NAV3: variants seen among roughly 807,000 people sequenced by gnomAD.
The protein encoded by NAV3 is neuron navigator 3, also known as pore membrane and/or filament interacting like protein 1.
NAV3 carries 87 observed loss-of-function variants against 244.7 expected under a neutral mutation model. The observed-to-expected ratio is 0.36, with a 90% CI of 0.30 to 0.42. The LOEUF is 0.42. Ranked by LOEUF, NAV3 falls within the 20% of genes least tolerant of loss-of-function variation. The probability of loss-of-function intolerance (pLI) is 1.00; values close to 1 mark genes in which losing one functional copy is unlikely to be tolerated. For synonymous variants in NAV3, 1,126 were observed against 1,042.2 expected, an observed-to-expected ratio of 1.08 and a Z score of -1.55; for missense variants, 2,663 against 2,893.3, an observed-to-expected ratio of 0.92 and a Z score of 1.83.
chr12:78,087,841 A>G (rs1593526837), intron 12 of NAV3, among the ~76,000 whole-genome samples: 1 of 151,950 alleles, frequency 6.6e-6, no homozygotes, highest in Non-Finnish European at 1.5e-5. Context: ...AAATTATAAT[A>G]ATAGCAAATT....
chr12:78,122,162 C>G lies in NAV3; in HGVS notation c.3972C>G (p.Ser1324Arg). The G allele has an allele frequency of 6.2e-7, 1 of 1,614,154 alleles. No homozygotes were observed. The highest frequency in any genetic ancestry group is 8.5e-7 in the Non-Finnish European group (1 of 1,180,030). The change falls in exon 16 of 40, where the codon AGC becomes AGG. Residue 1324 changes from serine to arginine, a missense_variant. Physicochemically the swap from Ser to Arg is moderately radical, Grantham distance 110. This residue lies in a region of NAV3 where 354 missense variants were observed against 413.0 expected (regional missense o/e 0.86). Transcript: ENST00000397909. ...KPSDLTTDVI[S>R]LSHSLASSPA... ...CAGACTTAACTACAGATGTTATAAG[C>G]TTAAGTCACTCGTTGGCCTCCAGCC...
chr12:78,043,579 C>A (rs377560396), intron 9 of NAV3, among the ~76,000 whole-genome samples: 1 of 152,138 alleles, frequency 6.6e-6, no homozygotes, highest in East Asian at 1.9e-4. Context: ...TTCTCCACAA[C>A]CTCTCTAGCA....
At chr12:77,920,215 G>A (rs1036039052) in intron 1 of NAV3, among the ~76,000 whole-genome samples, 2 of 151,872 alleles carry the variant, frequency 1.3e-5, no homozygotes, top group African/African-American at 4.8e-5. Flanking sequence ...GTTGTTTTAG[G>A]AGTCACATTA....
intron 1 of NAV3, among the ~76,000 whole-genome samples, chr12:77,939,449 G>A (rs1237225526): frequency 6.6e-6 from 1 of 151,842 alleles, no homozygotes; most frequent in Non-Finnish European, 1.5e-5. Flanking sequence ...TTGTTTTTCT[G>A]TTACACCACA....
chr12:78,160,341 G>C (rs906838347), intron 23 of NAV3, among the ~76,000 whole-genome samples: 1 of 150,738 alleles, frequency 6.6e-6, no homozygotes, highest in Non-Finnish European at 1.5e-5. Context: ...TCCTTGGATA[G>C]GTATCAGAGA....
At position 77,720,644 on chromosome 12, in the gene NAV3, A is replaced by G. The variant is rs186534650; in HGVS notation, c.72+148378A>G. 1.2e-4 allele frequency among the ~76,000 whole-genome samples: 18 copies of G among 152,252 alleles called. No homozygotes were observed. In the East Asian group the frequency reaches 1.4e-3, roughly 11 times the overall value. Reference sequence around the variant, plus strand: ...ACCAGAATGTTAGATGCAAACTCCAATTCTTTCCCTCTCTAGGAAGAAGCT... The same window carrying G: ...ACCAGAATGTTAGATGCAAACTCCAGTTCTTTCCCTCTCTAGGAAGAAGCT... On this transcript the variant is annotated intron_variant, in intron 2 of 8. Transcript: ENST00000550042.
At chr12:77,859,467 C>G (rs1034634732) in intron 1 of NAV3, among the ~76,000 whole-genome samples, 3 of 151,900 alleles carry the variant, frequency 2.0e-5, no homozygotes, top group Non-Finnish European at 4.4e-5. Flanking sequence ...ATTTTTTAGG[C>G]TTAAGGAAAT....
intron 2 of NAV3, among the ~76,000 whole-genome samples, chr12:77,584,085 C>A (rs1869491555): frequency 6.6e-6 from 1 of 152,196 alleles, no homozygotes; most frequent in Non-Finnish European, 1.5e-5. Flanking sequence ...ACCACTCCAT[C>A]ATTATGTTCT....
intron 2 of NAV3, among the ~76,000 whole-genome samples, chr12:77,594,576 G>T (rs951088627): frequency 1.3e-5 from 2 of 152,114 alleles, no homozygotes; most frequent in African/African-American, 4.8e-5. Context: ...GCCAGATTAG[G>T]GTTCTCTGGG....
intron 2 of NAV3, among the ~76,000 whole-genome samples, chr12:77,651,703 T>C (rs1378286857): frequency 2.0e-5 from 3 of 152,174 alleles, no homozygotes; most frequent in Admixed American, 6.6e-5. Context: ...TCTACGTCAG[T>C]TGTATACAAC....
chr12:77,797,744 GGGA>G (rs1418742034), intron 2 of NAV3, among the ~76,000 whole-genome samples: 1 of 151,674 alleles, frequency 6.6e-6, no homozygotes, highest in Non-Finnish European at 1.5e-5. Flanking sequence ...AAGAGACTGA[GGGA>G]GGAGAATTGC....
At chr12:78,116,600 C>T (rs914887817) in intron 12 of NAV3, among the ~76,000 whole-genome samples, 172 bp from the exon 13 acceptor site, 3 of 152,026 alleles carry the variant, frequency 2.0e-5, no homozygotes, top group Admixed American at 2.0e-4. Flanking sequence ...CTTATGTAGA[C>T]CCTCAGTTCA....
At chr12:77,774,726 G>A (rs987888361) in intron 2 of NAV3, among the ~76,000 whole-genome samples, 7 of 152,058 alleles carry the variant, frequency 4.6e-5, no homozygotes, top group South Asian at 2.1e-4. Flanking sequence ...TTGCCACCCC[G>A]CATTTAAATA....
intron 35 of NAV3, among the ~76,000 whole-genome samples, chr12:78,197,736 C>A (rs1959198855): frequency 6.6e-6 from 1 of 151,854 alleles, no homozygotes; most frequent in Non-Finnish European, 1.5e-5. Context: ...TCTATGTATT[C>A]ATTCAACAAC....
In NAV3 at chr12:78,170,740, G is replaced by A. The variant is rs369672483; in HGVS notation, c.4981+1874G>A. Reference sequence around the variant, plus strand: ...TTTCAATTATTCATAAGTTCTTTATGAATTGTGTTCATTCCATTTGGAATA... The same window carrying A: ...TTTCAATTATTCATAAGTTCTTTATAAATTGTGTTCATTCCATTTGGAATA... On this transcript the variant is annotated intron_variant, in intron 24 of 39. Transcript: ENST00000397909. Among the ~76,000 whole-genome samples, 24 of 151,750 alleles carry A rather than the reference G, an allele frequency of 1.6e-4. No homozygotes were observed. In the South Asian group the frequency reaches 4.6e-3, roughly 29 times the overall value.
At chr12:78,167,516 C>CT (rs35389511) in intron 23 of NAV3, among the ~76,000 whole-genome samples, 4,603 of 144,572 alleles carry the variant, frequency 0.032, 84 homozygotes, top group African/African-American at 0.057. Flanking sequence ...TTAGCATCAT[C>CT]TTTTTTTTTT....
At position 77,885,728 on chromosome 12, in the gene NAV3, C is replaced by G. The variant is rs571549331; in HGVS notation, c.243+54024C>G. 2.0e-5 allele frequency among the ~76,000 whole-genome samples: 3 copies of G among 152,096 alleles called. No individual in the cohort carries two copies. In the East Asian group the frequency reaches 5.8e-4, roughly 29 times the overall value. Reference sequence around the variant, plus strand: ...ATGCACTTCAATACATTAGAGTGTCCACATTCTTAAAAGAACATTGCTTGA... The same window carrying G: ...ATGCACTTCAATACATTAGAGTGTCGACATTCTTAAAAGAACATTGCTTGA... On this transcript the variant is annotated intron_variant, in intron 1 of 39. Transcript: ENST00000397909.
At chr12:78,202,250 A>G (rs909619713) in intron 38 of NAV3, among the ~76,000 whole-genome samples, 2 of 152,032 alleles carry the variant, frequency 1.3e-5, no homozygotes, top group Non-Finnish European at 2.9e-5. Flanking sequence ...ATTTTATGAA[A>G]ATTTTAGAAC....
chr12:77,575,004 G>A (rs1869014761), intron 2 of NAV3, among the ~76,000 whole-genome samples: 1 of 149,486 alleles, frequency 6.7e-6, no homozygotes, highest in Non-Finnish European at 1.5e-5. Context: ...TTTGGGTCTT[G>A]TAAATATAAT....
Sources: gnomAD v4.1 joint callset for allele counts (sites outside exome capture counted in the v4.1 genomes callset) on GRCh38, gnomAD v4.1.1 for gene constraint, gnomAD v4.1.1 regional missense constraint, MANE v1.5 for transcripts, NCBI Gene and HGNC (gene_info 2026-07-23, HGNC 2026-07-21) for gene names.